Variants in LMTK2 observed in about 807,000 individuals in gnomAD.
LMTK2 encodes the protein serine/threonine-protein kinase LMTK2.
In LMTK2, 37 loss-of-function variants were observed where a neutral mutation model predicts 127.5. That is an observed-to-expected ratio of 0.29 (90% CI 0.22 to 0.38). The LOEUF (loss-of-function observed/expected upper bound fraction) is 0.38. Ranked by LOEUF, LMTK2 falls within the 10% of genes least tolerant of loss-of-function variation. LMTK2 has a pLI of 1.00. For missense variants in LMTK2, 1,694 were observed against 1,920.3 expected (o/e 0.88, Z 2.20); for synonymous variants, 819 against 810.1 (o/e 1.01, Z -0.19).
intron 1 of LMTK2, among the ~76,000 whole-genome samples, chr7:98,123,729 A>G (rs1323125285): frequency 6.6e-6 from 1 of 151,994 alleles, no homozygotes; most frequent in Non-Finnish European, 1.5e-5. Flanking sequence ...ACACACACAG[A>G]CATACACATG....
At chr7:98,120,494 A>C (rs1212095230) in intron 1 of LMTK2, among the ~76,000 whole-genome samples, 1 of 152,214 alleles carries the variant, frequency 6.6e-6, no homozygotes, top group Non-Finnish European at 1.5e-5. Context: ...GTAATTATAA[A>C]ATTTTGTAGT....
intron 9 of LMTK2, among the ~76,000 whole-genome samples, chr7:98,189,414 G>A (rs533673162): frequency 6.6e-6 from 1 of 152,268 alleles, no homozygotes; most frequent in African/African-American, 2.4e-5. Context: ...TCAAAATGTA[G>A]TTGCTTCTTT....
chr7:98,140,090 C>CT (rs1369829999), intron 2 of LMTK2, among the ~76,000 whole-genome samples: 1 of 2,318 alleles, frequency 4.3e-4, no homozygotes, highest in African/African-American at 1.5e-3. Flanking sequence ...TTCTTTCTTT[C>CT]TTTCTTTCTT....
At chr7:98,153,501 ATCCT>A (rs1226944648) in intron 4 of LMTK2, among the ~76,000 whole-genome samples, 12 of 152,212 alleles carry the variant, frequency 7.9e-5, no homozygotes, top group African/African-American at 2.9e-4. Flanking sequence ...GTGATGGTAC[ATCCT>A]TGCGTGGAAT....
Position 98,203,614 on chromosome 7 carries a change from C to T in LMTK2, c.4148C>T (p.Ala1383Val), listed in dbSNP as rs775353414. ...GAGCTGGGGCCCTGTGGAGGAGAGGCGTGCGGCCCGGACCTGAGCGGCCCA... is the reference window on the plus strand; with the variant it reads ...GAGCTGGGGCCCTGTGGAGGAGAGGTGTGCGGCCCGGACCTGAGCGGCCCA... ...TKELGPCGGE[A>V]CGPDLSGPAP... Residue 1383 changes from alanine (A) to valine (V), a missense_variant, in exon 12 of 14, where the codon GCG (alanine) becomes GTG (valine). By Grantham distance (64) the Ala-to-Val change is moderately conservative. Transcript: ENST00000297293. 64 of 1,609,164 alleles carry T rather than the reference C, an allele frequency of 4.0e-5. No individual in the cohort carries two copies. Among genetic ancestry groups the T allele is most frequent in the Non-Finnish European group, 4.9e-5 (58 of 1,178,916 alleles).
chr7:98,195,878 G>C (rs980779386), intron 11 of LMTK2, among the ~76,000 whole-genome samples: 3 of 152,142 alleles, frequency 2.0e-5, no homozygotes, highest in Non-Finnish European at 2.9e-5. Flanking sequence ...TATATGGCGG[G>C]GAAGTGGATG....
intron 7 of LMTK2, among the ~76,000 whole-genome samples, chr7:98,182,378 G>A (rs149761407): frequency 5.9e-5 from 9 of 152,144 alleles, no homozygotes; most frequent in African/African-American, 1.7e-4. Flanking sequence ...TGGAGAATTC[G>A]TGCAACTCAA....
In LMTK2 at chr7:98,159,364, A is replaced by C. The variant is rs1796978698; in HGVS notation, c.596A>C (p.Gln199Pro). The change falls in exon 6 of 14, where the codon CAG becomes CCG. Residue 199 changes from glutamine to proline, a missense_variant. Gln to Pro is a moderately conservative substitution (Grantham distance 76, BLOSUM62 -1). Coordinates refer to ENST00000297293, the MANE Select transcript of LMTK2 (RefSeq NM_014916.4). ...YYILQHPNIL[Q>P]CVGQCVEAIP... ...ATTCTTCAGCATCCAAATATTCTTC[A>C]GTGTGTTGGACAGTGCGTAGAAGCG... 8.1e-6 allele frequency: 13 copies of C among 1,604,828 alleles called. No individual in the cohort carries two copies. The highest frequency in any genetic ancestry group is 1.1e-5 in the Non-Finnish European group (13 of 1,176,898).
At position 98,107,287 on chromosome 7, in the gene LMTK2, G is replaced by C. The variant is rs1023958293; in HGVS notation, c.103+7G>C. On this transcript the variant is annotated splice_region_variant and intron_variant, in intron 1 of 13. Coordinates refer to ENST00000297293, the MANE Select transcript of LMTK2 (RefSeq NM_014916.4). ...CTTCCGCAAACAGGTGCAGGTGAGC[G>C]GGCCCGCGGCGGGGACGGGGCTGCG... 14 of 1,349,780 alleles carry C rather than the reference G, an allele frequency of 1.0e-5. No homozygotes were observed. The highest frequency in any genetic ancestry group is 1.3e-5 in the Non-Finnish European group (14 of 1,054,202). 83.6% of individuals were successfully genotyped at this position (1,349,780 alleles called of 1,614,324 possible).
chr7:98,189,517 A>G (rs546700632), intron 9 of LMTK2, among the ~76,000 whole-genome samples: 1 of 152,276 alleles, frequency 6.6e-6, no homozygotes, highest in Non-Finnish European at 1.5e-5. Flanking sequence ...ACCTGGATCT[A>G]CCAACTAAGC....
intron 4 of LMTK2, among the ~76,000 whole-genome samples, chr7:98,153,885 T>G (rs1348678245): frequency 6.6e-6 from 1 of 152,072 alleles, no homozygotes; most frequent in Non-Finnish European, 1.5e-5. Context: ...GAGAGGGTGA[T>G]TTAGTTAATT....
At chr7:98,107,531 G>C (rs1426447796) in intron 1 of LMTK2, among the ~76,000 whole-genome samples, 2 of 152,236 alleles carry the variant, frequency 1.3e-5, no homozygotes, top group Admixed American at 6.5e-5. Flanking sequence ...CCCGGGATAG[G>C]CTGCGGTGCC....
At chr7:98,165,124 TGGG>T (rs1284699437) in intron 6 of LMTK2, among the ~76,000 whole-genome samples, 2 of 152,162 alleles carry the variant, frequency 1.3e-5, no homozygotes, top group African/African-American at 4.8e-5. Context: ...AGCGGTGACT[TGGG>T]GGCAGAATCA....
intron 3 of LMTK2, among the ~76,000 whole-genome samples, chr7:98,147,283 A>G (rs1462440852): frequency 1.3e-5 from 2 of 151,748 alleles, no homozygotes; most frequent in African/African-American, 4.8e-5. Context: ...CAGTGCTGCA[A>G]TCATGGTTCA....
intron 5 of LMTK2, 151 bp downstream of exon 5, chr7:98,155,027 G>T: frequency 1.8e-6 from 1 of 560,968 alleles, no homozygotes; most frequent in Non-Finnish European, 3.2e-6. Context: ...GGCGTCATCT[G>T]AAAATCACTT....
At position 98,191,997 on chromosome 7, in the gene LMTK2, A is replaced by G. The variant is rs765107784; in HGVS notation, c.1532A>G (p.Glu511Gly). 5 of 1,612,080 alleles carry G rather than the reference A, an allele frequency of 3.1e-6. No individual in the cohort carries two copies. Among genetic ancestry groups the G allele is most frequent in the Non-Finnish European group, 3.4e-6 (4 of 1,178,286 alleles). Residue 511 changes from glutamate to glycine, a missense_variant, in exon 11 of 14, where the codon GAG becomes GGG. This residue lies in a region of LMTK2 where 216 missense variants were observed against 266.8 expected (regional missense o/e 0.81). Transcript: ENST00000297293. ...TSIFYPVEVFESSLSDPGPGK... is the reference protein window; with the variant it reads ...TSIFYPVEVFGSSLSDPGPGK... ...ATCTTCTATCCGGTTGAAGTTTTTGAGAGTTCGCTTTCAGATCCTGGGCCC... is the reference window on the plus strand; with the variant it reads ...ATCTTCTATCCGGTTGAAGTTTTTGGGAGTTCGCTTTCAGATCCTGGGCCC...
chr7:98,192,772 T>C lies in LMTK2; in HGVS notation c.2307T>C (p.Thr769=). Residue 769 remains threonine, a synonymous_variant, in exon 11 of 14, where the codon ACT becomes ACC. Transcript: ENST00000297293. Reference sequence around the variant, plus strand: ...CGTCATGTAGAAACTCTTTAGATACTGAGCTTCAGTTTGCTGAAAATAAGC... The same window carrying C: ...CGTCATGTAGAAACTCTTTAGATACCGAGCTTCAGTTTGCTGAAAATAAGC... ...LETSCRNSLD[T]ELQFAENKPG... is the part of the protein sequence containing the mutation. 6.2e-7 allele frequency: 1 copy of C among 1,613,848 alleles called. No homozygotes were observed. Among genetic ancestry groups the C allele is most frequent in the South Asian group, 1.1e-5 (1 of 91,042 alleles).
In LMTK2 at chr7:98,193,118, G is replaced by C; in HGVS notation, c.2653G>C (p.Asp885His). ...RTHSLDNRSQ[D>H]SPGESEETLR... is the part of the protein sequence containing the mutation. Reference sequence around the variant, plus strand: ...CCACAGCCTGGATAACAGGTCCCAGGACTCTCCTGGCGAGAGTGAGGAGAC... The same window carrying C: ...CCACAGCCTGGATAACAGGTCCCAGCACTCTCCTGGCGAGAGTGAGGAGAC... The change falls in exon 11 of 14, where the codon GAC becomes CAC. Residue 885 changes from aspartate to histidine, a missense_variant. By Grantham distance (81) the Asp-to-His change is moderately conservative. Transcript: ENST00000297293. The surrounding 1 kb of genome is among the most constrained non-coding windows in gnomAD (Gnocchi z 4.1). 6.2e-7 allele frequency: 1 copy of C among 1,613,682 alleles called. No individual in the cohort carries two copies. Among genetic ancestry groups the C allele is most frequent in the Non-Finnish European group, 8.5e-7 (1 of 1,180,028 alleles).
At chr7:98,116,383 T>C (rs1387524529) in intron 1 of LMTK2, among the ~76,000 whole-genome samples, 2 of 136,702 alleles carry the variant, frequency 1.5e-5, no homozygotes, top group African/African-American at 5.2e-5. Context: ...AGTACCTCAG[T>C]GTGTGTCTGT....
Sources: gnomAD v4.1 joint callset for allele counts (sites outside exome capture counted in the v4.1 genomes callset) on GRCh38, gnomAD v4.1.1 for gene constraint, gnomAD v4.1.1 regional missense constraint, Gnocchi (gnomAD v3.1) non-coding constraint, MANE v1.5 for transcripts, NCBI Gene and HGNC (gene_info 2026-07-23, HGNC 2026-07-21) for gene names.